RNF130: variants seen among roughly 807,000 people sequenced by gnomAD.
RNF130 encodes the protein E3 ubiquitin-protein ligase RNF130.
In RNF130, 21 loss-of-function variants were observed where a neutral mutation model predicts 44.6. That is an observed-to-expected ratio of 0.47 (90% CI 0.33 to 0.68). The LOEUF is 0.68. RNF130 is among the 30% of genes least tolerant of loss of function. The pLI is 0.02. For synonymous variants in RNF130, 214 were observed against 210.4 expected, an observed-to-expected ratio of 1.02 and a Z score of -0.15; for missense variants, 479 against 560.6, an observed-to-expected ratio of 0.85 and a Z score of 1.47.
intron 1 of RNF130, among the ~76,000 whole-genome samples, chr5:180,067,957 G>A (rs115946253): frequency 0.02 from 2,982 of 152,266 alleles, 105 homozygotes; most frequent in African/African-American, 0.069. Context: ...TTTTAAACAT[G>A]AAAACCTAAG....
At chr5:179,999,980 C>T (rs1763297432) in intron 3 of RNF130, among the ~76,000 whole-genome samples, 2 of 152,158 alleles carry the variant, frequency 1.3e-5, no homozygotes, top group South Asian at 2.1e-4. Flanking sequence ...TACTGTAGTG[C>T]TAAGATTTGA....
chr5:179,985,458 A>G (rs1762932461), intron 3 of RNF130, among the ~76,000 whole-genome samples: 1 of 152,124 alleles, frequency 6.6e-6, no homozygotes, highest in Non-Finnish European at 1.5e-5. Flanking sequence ...AGGTTGAATT[A>G]GAGGCATGTC....
intron 3 of RNF130, among the ~76,000 whole-genome samples, chr5:179,983,621 A>T (rs950619643): frequency 1.8e-4 from 27 of 152,204 alleles, no homozygotes; most frequent in Middle Eastern, 3.4e-3. Flanking sequence ...GTTTTTCTTG[A>T]TATTTTGCAT....
At chr5:180,025,259 C>T (rs114246269) in intron 2 of RNF130, among the ~76,000 whole-genome samples, 99 of 152,324 alleles carry the variant, frequency 6.5e-4, no homozygotes, top group African/African-American at 2.3e-3. Flanking sequence ...GAACATCCTC[C>T]GTCCTGGAAC....
rs1165933962 is a variant in RNF130 at position 180,040,438 on chromosome 5, C to T, written c.442+15G>A. On this transcript the variant is annotated intron_variant, in intron 2 of 8. Transcript: ENST00000521389. ...AAGAAGAAAAACAAAATCAACAACC[C>T]TCATTTTTGTTTACCTGGATGAGTC... 8 of 1,601,014 alleles carry T rather than the reference C, an allele frequency of 5.0e-6. No homozygotes were observed. Among genetic ancestry groups the T allele is most frequent in the Non-Finnish European group, 6.0e-6 (7 of 1,171,754 alleles).
intron 2 of RNF130, among the ~76,000 whole-genome samples, chr5:180,014,028 T>G (rs1196776554): frequency 1.3e-5 from 2 of 152,196 alleles, no homozygotes; most frequent in African/African-American, 4.8e-5. Context: ...CTTCTGGAAA[T>G]CAAACGTTCC....
chr5:179,926,235 T>A (rs1202669553), intron 7 of RNF130, among the ~76,000 whole-genome samples: 1 of 152,244 alleles, frequency 6.6e-6, no homozygotes, highest in Non-Finnish European at 1.5e-5. Context: ...TTTATAGGCC[T>A]AGGATTTATT....
At chr5:180,048,288 T>A (rs1422980951) in intron 1 of RNF130, among the ~76,000 whole-genome samples, 2 of 152,250 alleles carry the variant, frequency 1.3e-5, no homozygotes, top group East Asian at 3.9e-4. Flanking sequence ...AGGGAGTCTG[T>A]AGTCCGGTTT....
intron 2 of RNF130, among the ~76,000 whole-genome samples, chr5:180,015,772 G>GAAAGGAGTAGGT (rs2113092622): frequency 6.6e-6 from 1 of 151,806 alleles, no homozygotes; most frequent in South Asian, 2.1e-4. Context: ...AAGGAGTAGG[G>GAAAGGAGTAGGT]AAAGGAAAGC....
chr5:179,920,865 C>T (rs1761621567), intron 7 of RNF130, among the ~76,000 whole-genome samples: 1 of 151,120 alleles, frequency 6.6e-6, no homozygotes, highest in Non-Finnish European at 1.5e-5. Context: ...TCTTGGCTCA[C>T]TGCAACCTAA....
At chr5:179,997,449 G>A (rs1002120301) in intron 3 of RNF130, among the ~76,000 whole-genome samples, 8 of 152,054 alleles carry the variant, frequency 5.3e-5, no homozygotes, top group African/African-American at 9.7e-5. Context: ...TCAGCCTCCC[G>A]AGTAGCTGGG....
rs77437890 is a variant in RNF130 at position 179,973,323 on chromosome 5, G to A, written c.849-2817C>T. ...CTCCACAGGCAGCTGCCCTGAACACGGCACCTTTTTCTCCTCATCACCCAT... is the reference window on the plus strand; with the variant it reads ...CTCCACAGGCAGCTGCCCTGAACACAGCACCTTTTTCTCCTCATCACCCAT... On this transcript the variant is annotated intron_variant, in intron 5 of 8. Transcript: ENST00000521389. Among the ~76,000 whole-genome samples, 20 of 152,138 alleles carry A rather than the reference G, an allele frequency of 1.3e-4. No homozygotes were observed. In the East Asian group the frequency reaches 1.7e-3, roughly 13 times the overall value.
chr5:179,990,613 C>T (rs1464761082), intron 3 of RNF130, among the ~76,000 whole-genome samples: 1 of 152,182 alleles, frequency 6.6e-6, no homozygotes, highest in Non-Finnish European at 1.5e-5. Context: ...TCCTGGTCTG[C>T]TAAGTAGCGG....
At chr5:179,949,726 T>C (rs1398177804) in intron 7 of RNF130, among the ~76,000 whole-genome samples, 4 of 152,246 alleles carry the variant, frequency 2.6e-5, no homozygotes, top group Non-Finnish European at 5.9e-5. Context: ...TAAGTTATCC[T>C]GAGACTTCAG....
intron 7 of RNF130, chr5:179,964,523 A>G (rs1382525187): frequency 6.6e-6 from 1 of 152,246 alleles, no homozygotes; most frequent in Non-Finnish European, 1.5e-5. Context: ...ATATATGTGC[A>G]AGAAGGCAGA....
rs1257294470 is a variant in RNF130, at chr5:179,978,376, C to T, written c.766-91G>A. Reference sequence around the variant, plus strand: ...TCAGCTCAGAATCTTTCTGTGGCTACTATGGTAAGCAAGTGTTATAAACTG... The same window carrying T: ...TCAGCTCAGAATCTTTCTGTGGCTATTATGGTAAGCAAGTGTTATAAACTG... On this transcript the variant is annotated intron_variant, in intron 4 of 8. Transcript: ENST00000521389. The T allele has an allele frequency of 3.5e-6, 3 of 847,476 alleles. No homozygotes were observed. In the Admixed American group the frequency reaches 5.9e-5, roughly 17 times the overall value. 52.5% of individuals were successfully genotyped at this position (847,476 alleles called of 1,614,324 possible).
rs144830793 is a variant in RNF130, at chr5:179,921,031, A to AT, written c.1151-606dup. ...AATTATATTTTGATTTTAAAATTCC[A>AT]TAGTTACATTATTTGACTATCTGTG... On this transcript the variant is annotated intron_variant, in intron 7 of 7. Transcript: ENST00000522208. Among the ~76,000 whole-genome samples, 1,391 of 152,202 alleles carry AT rather than the reference A, an allele frequency of 9.1e-3. 10 individuals carry two copies. Among genetic ancestry groups the AT allele is most frequent in the Non-Finnish European group, 0.015 (992 of 68,028 alleles).
chr5:179,994,258 G>A (rs1763154960), intron 3 of RNF130, among the ~76,000 whole-genome samples: 1 of 152,190 alleles, frequency 6.6e-6, no homozygotes, highest in South Asian at 2.1e-4. Flanking sequence ...GAAAGTCATT[G>A]GTAGCTTGAT....
intron 7 of RNF130, among the ~76,000 whole-genome samples, chr5:179,926,750 A>G (rs1437915719): frequency 1.3e-5 from 2 of 152,248 alleles, no homozygotes. Flanking sequence ...CCTGACTCAT[A>G]GCCAGTTGGT....
Sources: gnomAD v4.1 joint callset for allele counts (sites outside exome capture counted in the v4.1 genomes callset) on GRCh38, gnomAD v4.1.1 for gene constraint, MANE v1.5 for transcripts, NCBI Gene and HGNC (gene_info 2026-07-23, HGNC 2026-07-21) for gene names.